The following SEM1 variants were observed in gnomAD, a reference collection of about 807,000 sequenced individuals.
SEM1 encodes the protein SEM1 26S proteasome subunit.
SEM1 carries 3 observed loss-of-function variants against 12.7 expected under a neutral mutation model. That is an observed-to-expected ratio of 0.24 (90% CI 0.11 to 0.61). The LOEUF is 0.61. Among genes scored for constraint, SEM1 ranks in the 20% least tolerant of loss-of-function variants. The pLI is 0.88. For synonymous variants in SEM1, 30 were observed against 27.8 expected, an observed-to-expected ratio of 1.08 and a Z score of -0.25; for missense variants, 59 against 81.3, an observed-to-expected ratio of 0.73 and a Z score of 1.06.
chr7:96,556,481 T>C (rs1805505580), intron 2 of SEM1, among the ~76,000 whole-genome samples: 1 of 152,218 alleles, frequency 6.6e-6, no homozygotes, highest in African/African-American at 2.4e-5. Flanking sequence ...AAATTCTGGG[T>C]TGAAAATTCT....
At chr7:96,630,209 C>T (rs1321615891) in intron 2 of SEM1, among the ~76,000 whole-genome samples, 1 of 152,232 alleles carries the variant, frequency 6.6e-6, no homozygotes, top group East Asian at 1.9e-4. Flanking sequence ...TGTGTTCTTC[C>T]TTTCAGGTGG....
downstream of SEM1, among the ~76,000 whole-genome samples, chr7:96,619,971 G>C (rs958802932): frequency 6.6e-6 from 1 of 152,138 alleles, no homozygotes; most frequent in Non-Finnish European, 1.5e-5. Context: ...CAAGCAGGTA[G>C]CATGGGCAAG....
intron 2 of SEM1, among the ~76,000 whole-genome samples, chr7:96,590,151 C>T (rs1320324050): frequency 6.6e-6 from 1 of 152,056 alleles, no homozygotes; most frequent in African/African-American, 2.4e-5. Context: ...AAATATTACT[C>T]ATAGAAACAC....
At chr7:96,618,217 A>G (rs1807779693), downstream of SEM1, among the ~76,000 whole-genome samples, 1 of 152,084 alleles carries the variant, frequency 6.6e-6, no homozygotes, top group South Asian at 2.1e-4. Flanking sequence ...TTTATTGTTG[A>G]TCTGTTCAGA....
At position 96,694,862 on chromosome 7, in the gene SEM1, C is replaced by T. The variant is rs1790039582; in HGVS notation, c.106G>A (p.Ala36Thr). The T allele has an allele frequency of 6.2e-7, 1 of 1,608,458 alleles. No homozygotes were observed. The highest frequency in any genetic ancestry group is 1.1e-5 in the South Asian group (1 of 90,682). Reference sequence around the variant, plus strand: ...TCCCAATTATCCTCCCAGACATGTGCATCTTCATCTTCATCTAAGCCAGCC... The same window carrying T: ...TCCCAATTATCCTCCCAGACATGTGTATCTTCATCTTCATCTAAGCCAGCC... ...DWAGLDEDED[A>T]HVWEDNWDDD... is the part of the protein sequence containing the mutation. The change falls in exon 2 of 3, where the codon GCA (alanine) becomes ACA (threonine). Residue 36 changes from alanine to threonine, a missense_variant. Physicochemically the swap from Ala to Thr is moderately conservative, Grantham distance 58 (BLOSUM62 0). Transcript: ENST00000248566.
At chr7:96,556,578 T>C (rs2115882387) in intron 2 of SEM1, among the ~76,000 whole-genome samples, 1 of 151,920 alleles carries the variant, frequency 6.6e-6, no homozygotes, top group South Asian at 2.1e-4. Context: ...TCTGATGGGC[T>C]TCCCTTTGAG....
chr7:96,570,954 G>T (rs560215039), intron 2 of SEM1, among the ~76,000 whole-genome samples: 84 of 147,076 alleles, frequency 5.7e-4, no homozygotes, highest in African/African-American at 2.1e-3. Flanking sequence ...AATGACCAGT[G>T]ATGATGAGCT....
intron 2 of SEM1, among the ~76,000 whole-genome samples, chr7:96,682,295 T>TA (rs1789638488): frequency 6.6e-6 from 1 of 152,120 alleles, no homozygotes; most frequent in African/African-American, 2.4e-5. Flanking sequence ...GTTGAGACAA[T>TA]GGGGTTTTCT....
At chr7:96,522,059 C>T (rs1185930357) in intron 2 of SEM1, among the ~76,000 whole-genome samples, 1 of 152,026 alleles carries the variant, frequency 6.6e-6, no homozygotes, top group Admixed American at 6.6e-5. Flanking sequence ...CTTTGTTTCC[C>T]CTCTTTTCAA....
intron 2 of SEM1, among the ~76,000 whole-genome samples, chr7:96,557,511 G>A (rs2115889798): frequency 1.1e-5 from 1 of 92,250 alleles, no homozygotes; most frequent in Non-Finnish European, 3.0e-5. Flanking sequence ...TCGGGGGTCA[G>A]GGGTCAGGGA....
At chr7:96,680,935 A>G (rs1267744479) in intron 2 of SEM1, among the ~76,000 whole-genome samples, 3 of 152,024 alleles carry the variant, frequency 2.0e-5, no homozygotes, top group Non-Finnish European at 4.4e-5. Flanking sequence ...TTGGAGAGCA[A>G]TTTTTAGGAG....
At chr7:96,501,821 C>A (rs1159367676) in intron 3 of SEM1, among the ~76,000 whole-genome samples, 2 of 152,054 alleles carry the variant, frequency 1.3e-5, no homozygotes, top group Non-Finnish European at 2.9e-5. Context: ...ATCCCATCAC[C>A]CAGGTACTGA....
At chr7:96,511,727 G>A (rs1396673548) in intron 2 of SEM1, among the ~76,000 whole-genome samples, 2 of 152,118 alleles carry the variant, frequency 1.3e-5, no homozygotes, top group Non-Finnish European at 2.9e-5. Flanking sequence ...ATTGATGGTA[G>A]CATGAAGAGT....
rs114253563 is a variant in SEM1 at position 96,629,770 on chromosome 7, A to G, written c.171-7127T>C. On this transcript the variant is annotated intron_variant, in intron 2 of 2. Coordinates refer to the SEM1 transcript ENST00000417009. ...TCTCAGTCTGGGCTTGTTTGTACCC[A>G]TCCTCCTTGGGAAGGCTTTCCATAT... 5.2e-3 allele frequency among the ~76,000 whole-genome samples: 799 copies of G among 152,204 alleles called. 7 individuals carry two copies. Among genetic ancestry groups the G allele is most frequent in the African/African-American group, 0.018 (756 of 41,538 alleles).
chr7:96,612,943 T>C (rs1807586264), intron 2 of SEM1, among the ~76,000 whole-genome samples: 1 of 135,260 alleles, frequency 7.4e-6, no homozygotes, highest in South Asian at 2.7e-4. Context: ...CCAAATATAG[T>C]TGTTTTTAAT....
At chr7:96,620,390 C>T (rs1299232916), downstream of SEM1, among the ~76,000 whole-genome samples, 2 of 152,172 alleles carry the variant, frequency 1.3e-5, no homozygotes, top group Non-Finnish European at 2.9e-5. Flanking sequence ...TCTGTAGATC[C>T]GTAGTAGCTA....
At chr7:96,502,453 G>C (rs1317815461) in intron 3 of SEM1, among the ~76,000 whole-genome samples, 1 of 152,104 alleles carries the variant, frequency 6.6e-6, no homozygotes, top group Admixed American at 6.6e-5. Flanking sequence ...ATTCCAGGCT[G>C]TACCACTTAC....
At position 96,576,627 on chromosome 7, in the gene SEM1, C is replaced by T. The variant is rs201858345; in HGVS notation, c.171-69929G>A. 3.3e-5 allele frequency among the ~76,000 whole-genome samples: 5 copies of T among 152,054 alleles called. No individual in the cohort carries two copies. In the East Asian group the frequency reaches 5.8e-4, roughly 18 times the overall value. On this transcript the variant is annotated intron_variant and NMD_transcript_variant, in intron 2 of 3. Transcript: ENST00000466986. ...TGCCTTCTACTATGAACAATAAATA[C>T]ATATTTATTGTTCATACTATGAACT... is the stretch of plus-strand genomic sequence containing the variant.
chr7:96,612,384 A>C (rs532218141), intron 2 of SEM1, among the ~76,000 whole-genome samples: 1 of 152,304 alleles, frequency 6.6e-6, no homozygotes, highest in Admixed American at 6.5e-5. Context: ...TTCATTAGCC[A>C]TTAGCTAACC....
Sources: allele counts gnomAD v4.1 joint callset (sites outside exome capture counted in the v4.1 genomes callset), GRCh38; gene constraint gnomAD v4.1.1; transcripts MANE v1.5; gene names NCBI Gene and HGNC (gene_info 2026-07-23, HGNC 2026-07-21).